Variants in TAOK1 observed in about 807,000 individuals in gnomAD.
The protein encoded by TAOK1 is serine/threonine-protein kinase TAO1.
Under a neutral mutation model 138.3 loss-of-function variants are expected in TAOK1, and 21 were observed. The observed-to-expected ratio is 0.15, with a 90% CI of 0.11 to 0.22. TAOK1 has a LOEUF of 0.22. Ranked by LOEUF, TAOK1 falls within the 10% of genes least tolerant of loss-of-function variation. The pLI is 1.00. For missense variants in TAOK1, 651 were observed against 1,227.7 expected, an observed-to-expected ratio of 0.53 and a Z score of 7.02; for synonymous variants, 361 against 398.4, an observed-to-expected ratio of 0.91 and a Z score of 1.12.
At chr17:29,395,380 A>C (rs1686996536) in intron 1 of TAOK1, among the ~76,000 whole-genome samples, 1 of 151,312 alleles carries the variant, frequency 6.6e-6, no homozygotes, top group African/African-American at 2.4e-5. Context: ...AAATAAAACA[A>C]ATTAGCTAGG....
intron 1 of TAOK1, among the ~76,000 whole-genome samples, chr17:29,432,480 G>A (rs12450315): frequency 0.16 from 24,333 of 152,172 alleles, 2,070 homozygotes; most frequent in Admixed American, 0.21. Flanking sequence ...CAGTTTTGGG[G>A]CCAGTTTATG....
At chr17:29,392,683 A>G (rs1904470080) in intron 1 of TAOK1, among the ~76,000 whole-genome samples, 1 of 152,164 alleles carries the variant, frequency 6.6e-6, no homozygotes, top group African/African-American at 2.4e-5. Flanking sequence ...ATGACTATTA[A>G]TAGAATTAAT....
intron 9 of TAOK1, among the ~76,000 whole-genome samples, chr17:29,491,187 A>C (rs1212540780): frequency 6.6e-6 from 1 of 152,202 alleles, no homozygotes; most frequent in African/African-American, 2.4e-5. Context: ...TGATGGAGTA[A>C]TTATTTACTG....
chr17:29,394,843 C>T (rs899210214), intron 1 of TAOK1, among the ~76,000 whole-genome samples: 2 of 152,184 alleles, frequency 1.3e-5, no homozygotes, highest in Non-Finnish European at 2.9e-5. Context: ...GCCTGTAATG[C>T]CAGCGCTTTG....
intron 7 of TAOK1, among the ~76,000 whole-genome samples, chr17:29,481,267 CA>C (rs2031057243): frequency 6.6e-6 from 1 of 150,666 alleles, no homozygotes; most frequent in Non-Finnish European, 1.5e-5. Context: ...GATCTTGGCT[CA>C]CTGCAACCTC....
At chr17:29,402,029 C>G (rs1474499421) in intron 1 of TAOK1, among the ~76,000 whole-genome samples, 1 of 151,992 alleles carries the variant, frequency 6.6e-6, no homozygotes, top group Non-Finnish European at 1.5e-5. Context: ...TTGCTTTTTC[C>G]TTTTTCTTTC....
At chr17:29,527,232 G>C (rs192149595) in intron 17 of TAOK1, among the ~76,000 whole-genome samples, 1 of 151,790 alleles carries the variant, frequency 6.6e-6, no homozygotes, top group Non-Finnish European at 1.5e-5. Context: ...TTGAGGCTGT[G>C]GTGAGCCATG....
intron 8 of TAOK1, 110 bp downstream of exon 8, chr17:29,482,398 A>AG (rs937478493): frequency 5.8e-5 from 49 of 850,396 alleles, no homozygotes; most frequent in African/African-American, 2.3e-4. Flanking sequence ...TCACTTTATA[A>AG]GGGGGGCAAT....
At chr17:29,504,035 C>T (rs570459295) in intron 13 of TAOK1, among the ~76,000 whole-genome samples, 5 of 151,308 alleles carry the variant, frequency 3.3e-5, no homozygotes, top group African/African-American at 4.8e-5. Flanking sequence ...CGCTTGAACC[C>T]GGGAGGCGGA....
At chr17:29,449,187 G>T (rs1331524258) in intron 1 of TAOK1, among the ~76,000 whole-genome samples, 4 of 151,988 alleles carry the variant, frequency 2.6e-5, no homozygotes, top group Non-Finnish European at 5.9e-5. Flanking sequence ...TTAATAGTTT[G>T]ATTAATTGAA....
At chr17:29,468,862 A>G (rs914501930) in intron 3 of TAOK1, among the ~76,000 whole-genome samples, 1 of 152,202 alleles carries the variant, frequency 6.6e-6, no homozygotes, top group African/African-American at 2.4e-5. Context: ...GATCTTTAAA[A>G]TGGTTTAAAC....
At chr17:29,532,599 C>T (rs1447983095) in intron 18 of TAOK1, among the ~76,000 whole-genome samples, 2 of 152,042 alleles carry the variant, frequency 1.3e-5, no homozygotes, top group African/African-American at 4.8e-5. Context: ...CATCTTGCAC[C>T]GCCCTTAATC....
intron 10 of TAOK1, among the ~76,000 whole-genome samples, chr17:29,494,972 G>A (rs2031384128): frequency 6.6e-6 from 1 of 151,818 alleles, no homozygotes. Context: ...ATATTACAAT[G>A]TAACTGTGAT....
intron 3 of TAOK1, among the ~76,000 whole-genome samples, chr17:29,470,916 A>G (rs1447279124): frequency 6.6e-6 from 1 of 152,166 alleles, no homozygotes; most frequent in Non-Finnish European, 1.5e-5. Flanking sequence ...TGAGGTCAGG[A>G]GTTTGAGACC....
intron 12 of TAOK1, among the ~76,000 whole-genome samples, chr17:29,501,221 TAAAAAAAAAA>T (rs66503222): frequency 3.3e-5 from 4 of 120,638 alleles, no homozygotes; most frequent in African/African-American, 6.4e-5. Flanking sequence ...CCCATCTGTT[TAAAAAAAAAA>T]AAAAAAAAAA....
chr17:29,400,946 T>C (rs1904821910), intron 1 of TAOK1, among the ~76,000 whole-genome samples: 1 of 149,566 alleles, frequency 6.7e-6, no homozygotes, highest in Non-Finnish European at 1.5e-5. Context: ...GGTCTTGCTC[T>C]GTTGCCCAGG....
At chr17:29,526,028 T>C (rs1308339428) in intron 17 of TAOK1, among the ~76,000 whole-genome samples, 2 of 152,090 alleles carry the variant, frequency 1.3e-5, no homozygotes, top group African/African-American at 4.8e-5. Flanking sequence ...GCGTGGTGGC[T>C]CATACCTGTA....
chr17:29,408,330 A>G (rs1236210588), intron 1 of TAOK1, among the ~76,000 whole-genome samples: 1 of 150,162 alleles, frequency 6.7e-6, no homozygotes, highest in Non-Finnish European at 1.5e-5. Flanking sequence ...GGCTCAAGCT[A>G]TCCTCTCACC....
intron 1 of TAOK1, among the ~76,000 whole-genome samples, chr17:29,394,386 C>T (rs1216364176): frequency 2.0e-5 from 3 of 151,876 alleles, no homozygotes; most frequent in East Asian, 1.9e-4. Context: ...AGGATGGTCT[C>T]GATCTCCTGA....
Sources: allele counts gnomAD v4.1 joint callset (sites outside exome capture counted in the v4.1 genomes callset), GRCh38; gene constraint gnomAD v4.1.1; transcripts MANE v1.5; gene names NCBI Gene and HGNC (gene_info 2026-07-23, HGNC 2026-07-21).